The following GAS2 variants were observed in gnomAD, a reference collection of about 807,000 sequenced individuals.
The protein encoded by GAS2 is growth arrest-specific protein 2.
Under a neutral mutation model 37.5 loss-of-function variants are expected in GAS2, and 20 were observed. The observed-to-expected ratio is 0.53, with a 90% CI of 0.37 to 0.77. GAS2 has a LOEUF of 0.77. Among genes scored for constraint, GAS2 ranks in the 30% least tolerant of loss-of-function variants. GAS2 has a pLI of 0.00. For missense variants in GAS2, 336 were observed against 373.4 expected (o/e 0.90, Z 0.82); for synonymous variants, 144 against 132.2 (o/e 1.09, Z -0.61).
At chr11:22,626,628 A>G (rs1441364392) in intron 1 of GAS2, 2 of 152,140 alleles carry the variant, frequency 1.3e-5, no homozygotes, top group African/African-American at 4.8e-5. Flanking sequence ...ACATTTGTCA[A>G]CTCCTAGGAG....
At chr11:22,657,850 A>G (rs1848872983) in intron 1 of GAS2, among the ~76,000 whole-genome samples, 1 of 152,150 alleles carries the variant, frequency 6.6e-6, no homozygotes, top group Admixed American at 6.5e-5. Flanking sequence ...ATTTAAATTT[A>G]CTTCACAATT....
intron 6 of GAS2, among the ~76,000 whole-genome samples, chr11:22,752,207 A>G (rs1049831624): frequency 6.6e-6 from 1 of 152,054 alleles, no homozygotes; most frequent in Non-Finnish European, 1.5e-5. Flanking sequence ...ACTTTGGCAT[A>G]TCAAAGGCTC....
chr11:22,643,595 G>A (rs1451438048), intron 1 of GAS2, among the ~76,000 whole-genome samples: 1 of 151,790 alleles, frequency 6.6e-6, no homozygotes, highest in East Asian at 1.9e-4. Context: ...GTAATAAATG[G>A]AAAGAACTTA....
Position 22,718,711 on chromosome 11 carries a change from A to G in GAS2, c.268-7581A>G, listed in dbSNP as rs144485078. Among the ~76,000 whole-genome samples, 227 of 152,154 alleles carry G rather than the reference A, an allele frequency of 1.5e-3. 2 individuals carry two copies. The highest frequency in any genetic ancestry group is 4.7e-3 in the African/African-American group (196 of 41,538). On this transcript the variant is annotated intron_variant, in intron 3 of 7. Transcript: ENST00000454584. The stretch of plus-strand genomic sequence containing the variant: ...TAAAATCTTTCTATTACTCCTCATT[A>G]TGAACACTGAGATTTCTATTTAAAT...
chr11:22,674,689 G>A, intron 1 of GAS2, 161 bp from the exon 2 acceptor site: 1 of 496,760 alleles, frequency 2.0e-6, no homozygotes, highest in Non-Finnish European at 3.4e-6. Context: ...AAGTGAGAGG[G>A]CCAGTACAGA....
At chr11:22,744,709 C>G (rs1162510618) in intron 5 of GAS2, among the ~76,000 whole-genome samples, 1 of 151,856 alleles carries the variant, frequency 6.6e-6, no homozygotes, top group South Asian at 2.1e-4. Flanking sequence ...GAAGCAAAAG[C>G]TGGGCAAAAA....
At chr11:22,781,158 T>C (rs2134489815) in intron 7 of GAS2, among the ~76,000 whole-genome samples, 1 of 152,234 alleles carries the variant, frequency 6.6e-6, no homozygotes, top group East Asian at 1.9e-4. Flanking sequence ...TGCTGTCCTT[T>C]GGCAAACAAG....
At chr11:22,685,897 C>G in intron 3 of GAS2, 108 bp downstream of exon 3, 4 of 1,012,632 alleles carry the variant, frequency 4.0e-6, no homozygotes, top group South Asian at 2.0e-5. Context: ...GCATCAAGGT[C>G]TATACTAACA....
At chr11:22,810,830 C>G (rs2134702344) in intron 7 of GAS2, among the ~76,000 whole-genome samples, 1 of 152,084 alleles carries the variant, frequency 6.6e-6, no homozygotes, top group Non-Finnish European at 1.5e-5. Context: ...GTCTAGATCT[C>G]AAGCTGACGC....
Position 22,713,407 on chromosome 11 carries a change from G to A in GAS2, c.268-12885G>A, listed in dbSNP as rs187697918. On this transcript the variant is annotated intron_variant, in intron 3 of 7. Coordinates refer to ENST00000454584, the MANE Select transcript of GAS2 (RefSeq NM_001143830.3). ...TAATTGGTGTTCCCAAGGATGAAGA[G>A]AAATCTAAAAGTTTGGAAAATTTAT... Among the ~76,000 whole-genome samples the A allele has an allele frequency of 1.2e-3, 184 of 152,138 alleles. 2 individuals carry two copies. Among genetic ancestry groups the A allele is most frequent in the African/African-American group, 3.7e-3 (155 of 41,546 alleles).
chr11:22,745,395 T>A (rs1853335600), intron 5 of GAS2, among the ~76,000 whole-genome samples: 1 of 152,084 alleles, frequency 6.6e-6, no homozygotes, highest in Admixed American at 6.6e-5. Context: ...GGTGCTGGGA[T>A]AATGAGTATC....
intron 1 of GAS2, among the ~76,000 whole-genome samples, chr11:22,634,846 A>G (rs185576052): frequency 1.3e-5 from 2 of 152,256 alleles, no homozygotes; most frequent in East Asian, 1.9e-4. Flanking sequence ...TTGGTTATAA[A>G]TGGCCTTAAT....
At chr11:22,645,757 A>G (rs939653218) in intron 1 of GAS2, among the ~76,000 whole-genome samples, 8 of 151,074 alleles carry the variant, frequency 5.3e-5, no homozygotes, top group Non-Finnish European at 8.9e-5. Context: ...GCCATTATAC[A>G]TTTTTTCTAG....
intron 5 of GAS2, among the ~76,000 whole-genome samples, chr11:22,739,257 A>G (rs1007316481): frequency 2.0e-5 from 3 of 152,146 alleles, no homozygotes; most frequent in African/African-American, 7.2e-5. Context: ...GTGAAAACCA[A>G]GGACTCGGCA....
chr11:22,637,256 C>G (rs1395923377), intron 1 of GAS2, among the ~76,000 whole-genome samples: 1 of 8,508 alleles, frequency 1.2e-4, no homozygotes, highest in African/African-American at 2.6e-4. Flanking sequence ...TAATAGTATA[C>G]TAATATATTA....
At chr11:22,752,255 T>A (rs1853781858) in intron 6 of GAS2, among the ~76,000 whole-genome samples, 1 of 152,032 alleles carries the variant, frequency 6.6e-6, no homozygotes, top group African/African-American at 2.4e-5. Context: ...TAACCTGGAA[T>A]CTTCTAAACT....
chr11:22,647,571 C>T (rs908879053), intron 1 of GAS2, among the ~76,000 whole-genome samples: 20 of 152,190 alleles, frequency 1.3e-4, no homozygotes, highest in African/African-American at 4.8e-4. Flanking sequence ...TCTCCGCATC[C>T]TCTCCAGCAC....
intron 1 of GAS2, among the ~76,000 whole-genome samples, chr11:22,660,953 T>C (rs1464865066): frequency 1.3e-5 from 2 of 152,228 alleles, no homozygotes; most frequent in African/African-American, 4.8e-5. Context: ...TATCTTTAAG[T>C]GCTTTGTATA....
intron 7 of GAS2, among the ~76,000 whole-genome samples, chr11:22,801,237 T>C (rs1856648020): frequency 6.6e-6 from 1 of 152,074 alleles, no homozygotes; most frequent in Non-Finnish European, 1.5e-5. Context: ...TCACATATCA[T>C]AGAAGCCAGA....
Sources: gnomAD v4.1 joint callset for allele counts (sites outside exome capture counted in the v4.1 genomes callset) on GRCh38, gnomAD v4.1.1 for gene constraint, MANE v1.5 for transcripts, NCBI Gene and HGNC (gene_info 2026-07-23, HGNC 2026-07-21) for gene names.